MDGA2: variants seen among roughly 807,000 people sequenced by gnomAD.
MDGA2 encodes MAM domain-containing glycosylphosphatidylinositol anchor protein 2.
A neutral mutation model predicts 117.8 loss-of-function variants in MDGA2; 40 were observed. That is an observed-to-expected ratio of 0.34 (90% CI 0.26 to 0.44). The LOEUF (loss-of-function observed/expected upper bound fraction) is 0.44. Among genes scored for constraint, MDGA2 ranks in the 20% least tolerant of loss-of-function variants. The pLI, the probability that MDGA2 is intolerant of heterozygous loss-of-function variation, is 1.00. For synonymous variants in MDGA2, 452 were observed against 439.0 expected, an observed-to-expected ratio of 1.03 and a Z score of -0.37; for missense variants, 1,123 against 1,250.6, an observed-to-expected ratio of 0.90 and a Z score of 1.54.
At chr14:47,326,826 A>C (rs1231196987) in intron 1 of MDGA2, among the ~76,000 whole-genome samples, 1 of 152,146 alleles carries the variant, frequency 6.6e-6, no homozygotes, top group African/African-American at 2.4e-5. Flanking sequence ...CCTGGAGTTA[A>C]ATAATGTATT....
At chr14:47,371,532 G>A (rs1190037354) in intron 1 of MDGA2, among the ~76,000 whole-genome samples, 10 of 151,782 alleles carry the variant, frequency 6.6e-5, no homozygotes, top group Non-Finnish European at 3.0e-5. Context: ...AGTAAGGGAA[G>A]CACAGAACCA....
intron 1 of MDGA2, among the ~76,000 whole-genome samples, chr14:47,504,290 C>A (rs572026603): frequency 6.6e-6 from 1 of 152,088 alleles, no homozygotes; most frequent in South Asian, 2.1e-4. Context: ...ATTATTATTC[C>A]TTGGATGCAG....
intron 10 of MDGA2, among the ~76,000 whole-genome samples, chr14:46,903,666 C>A (rs1883380264): frequency 6.6e-6 from 1 of 151,692 alleles, no homozygotes; most frequent in Non-Finnish European, 1.5e-5. Flanking sequence ...CCAAAAATTC[C>A]AGTTGAAGTT....
At chr14:47,060,377 C>G (rs1001535368) in intron 7 of MDGA2, among the ~76,000 whole-genome samples, 2 of 152,082 alleles carry the variant, frequency 1.3e-5, no homozygotes, top group African/African-American at 4.8e-5. Context: ...GTACAAGATA[C>G]AAAACGCTGC....
chr14:47,436,222 G>A (rs999845351), intron 1 of MDGA2, among the ~76,000 whole-genome samples: 2 of 152,150 alleles, frequency 1.3e-5, no homozygotes, highest in East Asian at 3.9e-4. Context: ...ATAAATGAAA[G>A]CTGATAAGAA....
intron 14 of MDGA2, among the ~76,000 whole-genome samples, chr14:46,863,348 G>C (rs1482955597): frequency 6.6e-6 from 1 of 152,078 alleles, no homozygotes; most frequent in Non-Finnish European, 1.5e-5. Context: ...ACCTCAAAAA[G>C]ATGATGAACT....
At chr14:46,984,314 C>T (rs1042874791) in intron 8 of MDGA2, among the ~76,000 whole-genome samples, 10 of 152,070 alleles carry the variant, frequency 6.6e-5, no homozygotes, top group African/African-American at 1.2e-4. Context: ...CATACAAATA[C>T]GGAAGCATTC....
intron 11 of MDGA2, among the ~76,000 whole-genome samples, chr14:46,881,696 C>CT (rs1330576920): frequency 6.6e-6 from 1 of 151,906 alleles, no homozygotes; most frequent in African/African-American, 2.4e-5. Flanking sequence ...GAATTTTGAT[C>CT]TTTTTTTACT....
At chr14:47,242,374 C>T (rs545842443) in intron 2 of MDGA2, among the ~76,000 whole-genome samples, 1 of 152,054 alleles carries the variant, frequency 6.6e-6, no homozygotes, top group East Asian at 1.9e-4. Context: ...CCCCACTGTA[C>T]TGTGGGAGCC....
At chr14:47,589,416 A>C (rs2138856308) in intron 1 of MDGA2, among the ~76,000 whole-genome samples, 1 of 152,136 alleles carries the variant, frequency 6.6e-6, no homozygotes, top group East Asian at 1.9e-4. Context: ...CATTTGTCCC[A>C]GTACCATTAT....
chr14:47,040,530 G>C (rs1401982302), intron 7 of MDGA2, among the ~76,000 whole-genome samples: 1 of 152,124 alleles, frequency 6.6e-6, no homozygotes, highest in South Asian at 2.1e-4. Context: ...CATAGACTGA[G>C]AAATGCTCTT....
At chr14:47,548,302 C>CT (rs911127737) in intron 1 of MDGA2, among the ~76,000 whole-genome samples, 44 of 151,196 alleles carry the variant, frequency 2.9e-4, no homozygotes, top group African/African-American at 9.9e-4. Flanking sequence ...TTTGTTTTGA[C>CT]TTTTTTTTTA....
chr14:46,993,465 G>GA (rs397756222), intron 8 of MDGA2, among the ~76,000 whole-genome samples: 5 of 147,678 alleles, frequency 3.4e-5, no homozygotes, highest in African/African-American at 1.2e-4. Context: ...TTTTGGGGGG[G>GA]ACTTTTTTTT....
chr14:47,540,540 G>GTGTGTGTGTGTATATATATATATATA, intron 1 of MDGA2, among the ~76,000 whole-genome samples: 7 of 79,208 alleles, frequency 8.8e-5, no homozygotes, highest in Admixed American at 3.0e-4. Flanking sequence ...GTGTGTGTGT[G>GTGTGTGTGTGTATATATATATATATA]TATATATATA....
At chr14:47,622,150 CTT>C (rs1433302461) in intron 1 of MDGA2, among the ~76,000 whole-genome samples, 20 of 152,028 alleles carry the variant, frequency 1.3e-4, no homozygotes, top group African/African-American at 3.6e-4. Flanking sequence ...GTGACAGTTA[CTT>C]AATAAATACA....
At chr14:46,971,294 CA>C (rs1455295208) in intron 8 of MDGA2, among the ~76,000 whole-genome samples, 11 of 152,048 alleles carry the variant, frequency 7.2e-5, no homozygotes, top group Admixed American at 5.2e-4. Flanking sequence ...TTCACAATAG[CA>C]AAGATATAGA....
intron 1 of MDGA2, among the ~76,000 whole-genome samples, chr14:47,402,464 T>C (rs1892174524): frequency 6.6e-6 from 1 of 152,028 alleles, no homozygotes; most frequent in African/African-American, 2.4e-5. Flanking sequence ...AGGTGCCACA[T>C]TTCCAGCTCA....
At chr14:47,379,128 T>A (rs1891548606) in intron 1 of MDGA2, among the ~76,000 whole-genome samples, 1 of 152,078 alleles carries the variant, frequency 6.6e-6, no homozygotes, top group African/African-American at 2.4e-5. Flanking sequence ...GCTTCATAAG[T>A]GAAGGAGAAA....
intron 2 of MDGA2, among the ~76,000 whole-genome samples, chr14:47,248,647 G>A (rs1024239815): frequency 6.6e-6 from 1 of 151,954 alleles, no homozygotes; most frequent in East Asian, 1.9e-4. Context: ...GTTTATTTTT[G>A]TTCAGCTTGG....
Sources: allele counts gnomAD v4.1 joint callset (sites outside exome capture counted in the v4.1 genomes callset), GRCh38; gene constraint gnomAD v4.1.1; transcripts MANE v1.5; gene names NCBI Gene and HGNC (gene_info 2026-07-23, HGNC 2026-07-21).